The following IQSEC2 variants were observed in gnomAD, a reference collection of about 807,000 sequenced individuals.
The protein encoded by IQSEC2 is IQ motif and SEC7 domain-containing protein 2.
In IQSEC2, 6 loss-of-function variants were observed where a neutral mutation model predicts 74.6. The observed-to-expected ratio is 0.08, with a 90% CI of 0.04 to 0.16. The LOEUF is 0.16. IQSEC2 is among the 10% of genes least tolerant of loss of function. The pLI, the probability that IQSEC2 is intolerant of heterozygous loss-of-function variation, is 1.00. For synonymous variants in IQSEC2, 494 were observed against 544.5 expected, an observed-to-expected ratio of 0.91 and a Z score of 1.29; for missense variants, 734 against 1,306.2, an observed-to-expected ratio of 0.56 and a Z score of 6.75.
chrX:53,281,080 C>T (rs145007339), intron 2 of IQSEC2, among the ~76,000 whole-genome samples: 17 of 112,979 alleles, frequency 1.5e-4, no homozygotes, highest in African/African-American at 5.5e-4. Context: ...AGGGCAACTG[C>T]TTCTCAGGTG....
At chrX:53,255,664 G>A in intron 3 of IQSEC2, 136 bp downstream of exon 3, 1 of 727,239 alleles carries the variant, frequency 1.4e-6, no homozygotes, top group Non-Finnish European at 2.1e-6. Flanking sequence ...TGGGGTGAAG[G>A]GTCCTGGGCC....
chrX:53,288,167 T>C (rs2075052096), intron 2 of IQSEC2, among the ~76,000 whole-genome samples: 2 of 111,700 alleles, frequency 1.8e-5, no homozygotes, highest in South Asian at 7.5e-4. Context: ...GGGTAGTGTC[T>C]TGGACATGTG....
intron 2 of IQSEC2, among the ~76,000 whole-genome samples, chrX:53,264,588 C>T (rs1417465015): frequency 1.8e-5 from 2 of 109,527 alleles, no homozygotes; most frequent in African/African-American, 6.7e-5. Flanking sequence ...CATTCCCCTG[C>T]ATGACCCTGG....
chrX:53,256,131 T>G, intron 2 of IQSEC2, 70 bp from the exon 3 acceptor site: 1 of 1,012,523 alleles, frequency 9.9e-7, no homozygotes, highest in Non-Finnish European at 1.3e-6. Context: ...ATACTGAGAG[T>G]GGGTGAGCCA....
intron 1 of IQSEC2, among the ~76,000 whole-genome samples, chrX:53,313,924 G>GT (rs1454138910): frequency 8.9e-6 from 1 of 112,485 alleles, no homozygotes; most frequent in Non-Finnish European, 1.9e-5. Flanking sequence ...GCTGGTGAGC[G>GT]TGAGAAGAGA....
In IQSEC2 at chrX:53,320,743, C is replaced by T. The variant is rs1556880187; in HGVS notation, c.381G>A (p.Glu127=). 18 of 1,166,186 alleles carry T rather than the reference C, an allele frequency of 1.5e-5. No individual in the cohort carries two copies. Among genetic ancestry groups the T allele is most frequent in the Non-Finnish European group, 1.7e-5 (15 of 872,575 alleles). Residue 127 remains glutamate, a synonymous_variant, in exon 1 of 15, where the codon GAG becomes GAA. Coordinates refer to ENST00000642864, the MANE Select transcript of IQSEC2 (RefSeq NM_001111125.3). ...CCCGCTCCTTGTCCCGATACACAGC[C>T]TCCCGATTCTGGTAGGCGCCTTCCC... ...PNREGAYQNR[E]AVYRDKERDA...
chrX:53,294,318 T>C (rs2075130019), intron 1 of IQSEC2, among the ~76,000 whole-genome samples: 1 of 112,507 alleles, frequency 8.9e-6, no homozygotes, highest in Non-Finnish European at 1.9e-5. Flanking sequence ...GTACACAGCA[T>C]CATATGACTC....
chrX:53,244,537 A>C (rs782007818), intron 8 of IQSEC2, among the ~76,000 whole-genome samples: 1 of 110,474 alleles, frequency 9.1e-6, no homozygotes, highest in Non-Finnish European at 1.9e-5. Context: ...AAAAAAAAAA[A>C]AAAAAACTCA....
chrX:53,278,445 G>T (rs1176368791), intron 2 of IQSEC2, among the ~76,000 whole-genome samples: 4 of 111,492 alleles, frequency 3.6e-5, no homozygotes, highest in Non-Finnish European at 7.5e-5. Context: ...ACCAAACTAG[G>T]TAGAGCTGGT....
intron 1 of IQSEC2, among the ~76,000 whole-genome samples, chrX:53,292,944 A>ATC (rs1254092338): frequency 1.8e-5 from 2 of 111,811 alleles, no homozygotes; most frequent in Non-Finnish European, 3.8e-5. Flanking sequence ...ATCTTCCTCC[A>ATC]TCTTCACCTC....
chrX:53,300,509 C>T (rs1002801689), intron 1 of IQSEC2, among the ~76,000 whole-genome samples: 1 of 111,503 alleles, frequency 9.0e-6, no homozygotes, highest in Non-Finnish European at 1.9e-5. Context: ...ACTCTCCCAG[C>T]GACTGGGAGC....
chrX:53,260,619 C>T (rs2074554653), intron 2 of IQSEC2, among the ~76,000 whole-genome samples: 1 of 111,275 alleles, frequency 9.0e-6, no homozygotes, highest in East Asian at 2.8e-4. Context: ...CCTGCTCAGC[C>T]TTCAATGCTC....
chrX:53,261,644 A>T (rs2074570375), intron 2 of IQSEC2, among the ~76,000 whole-genome samples: 1 of 108,604 alleles, frequency 9.2e-6, no homozygotes, highest in Non-Finnish European at 1.9e-5. Flanking sequence ...ACATGCACAT[A>T]TACGGACACA....
At chrX:53,242,934 T>C (rs1405785802) in intron 9 of IQSEC2, among the ~76,000 whole-genome samples, 2 of 110,976 alleles carry the variant, frequency 1.8e-5, no homozygotes, top group Non-Finnish European at 3.8e-5. Flanking sequence ...GACAGGGTTT[T>C]GCCATGATAG....
downstream of IQSEC2, chrX:53,225,949 C>T (rs1292676149): frequency 8.9e-6 from 1 of 112,818 alleles, no homozygotes; most frequent in African/African-American, 3.2e-5. Flanking sequence ...TTACCATGTA[C>T]ACATTTGTGG....
intron 4 of IQSEC2, 42 bp from the exon 5 acceptor site, chrX:53,251,216 G>T: frequency 2.6e-6 from 3 of 1,160,009 alleles, no homozygotes; most frequent in Non-Finnish European, 3.5e-6. Flanking sequence ...GGAGAGAAAA[G>T]AAAGAAAGAT....
Position 53,250,929 on chromosome X carries a change from G to C in IQSEC2, c.1647C>G (p.Ala549=). ...CTGGTGGAGGAACTGGCGGGAGAGG[G>C]GCTGGCGCCCAGAACTCGGGCCGGC... The part of the protein sequence containing the change: ...PQGRPEFWAP[A]PLPPVPPPVP... The change falls in exon 5 of 15, where the codon GCC becomes GCG. Residue 549 remains alanine (A), a synonymous_variant. Coordinates refer to ENST00000642864, the MANE Select transcript of IQSEC2 (RefSeq NM_001111125.3). The C allele has an allele frequency of 8.3e-7, 1 of 1,210,102 alleles. No homozygotes were observed. The highest frequency in any genetic ancestry group is 1.8e-5 in the South Asian group (1 of 56,804).
intron 2 of IQSEC2, among the ~76,000 whole-genome samples, chrX:53,266,083 T>C (rs1556867574): frequency 2.7e-5 from 3 of 112,266 alleles, no homozygotes; most frequent in African/African-American, 9.7e-5. Context: ...GGAGACCCTC[T>C]AATCCAACCC....
At chrX:53,314,816 T>G (rs1179144546) in intron 1 of IQSEC2, among the ~76,000 whole-genome samples, 1 of 111,375 alleles carries the variant, frequency 9.0e-6, no homozygotes, top group Non-Finnish European at 1.9e-5. Flanking sequence ...CATCAGAGGC[T>G]TGATGGAGAG....
Sources: allele counts gnomAD v4.1 joint callset (sites outside exome capture counted in the v4.1 genomes callset), GRCh38; gene constraint gnomAD v4.1.1; transcripts MANE v1.5; gene names NCBI Gene and HGNC (gene_info 2026-07-23, HGNC 2026-07-21).